The following GABRA3 variants were observed in gnomAD, a reference collection of about 807,000 sequenced individuals.
The protein encoded by GABRA3 is gamma-aminobutyric acid receptor subunit alpha-3.
Under a neutral mutation model 30.1 loss-of-function variants are expected in GABRA3, and 10 were observed. The ratio of observed to expected loss-of-function variants is 0.33; its 90% CI spans 0.20 to 0.56. GABRA3 has a LOEUF of 0.56. GABRA3 is among the 20% of genes least tolerant of loss of function. The pLI is 0.89. For missense variants in GABRA3, 233 were observed against 392.0 expected, an observed-to-expected ratio of 0.59 and a Z score of 3.42; for synonymous variants, 151 against 146.8, an observed-to-expected ratio of 1.03 and a Z score of -0.21.
chrX:152,243,336 T>G (rs765986159), intron 5 of GABRA3, among the ~76,000 whole-genome samples: 1 of 112,028 alleles, frequency 8.9e-6, no homozygotes, highest in South Asian at 3.7e-4. Context: ...AGAGCAGAAT[T>G]TACGTGTTCT....
At position 152,173,770 on chromosome X, in the gene GABRA3, AATTTATTTATTT is replaced by A. The variant is rs762067911; in HGVS notation, c.1144-5219_1144-5208del. Among the ~76,000 whole-genome samples, 4 of 110,199 alleles carry A rather than the reference AATTTATTTATTT, an allele frequency of 3.6e-5. No individual in the cohort carries two copies. The East Asian group carries it at 1.1e-3, about 31-fold the overall frequency. Reference sequence around the variant, plus strand: ...CAGGCATGAGCCACCGCGCCTGGCTAATTTATTTATTTATTTATTTATTTATATTATTATTAT... The same window carrying A: ...CAGGCATGAGCCACCGCGCCTGGCTAATTTATTTATTTATATTATTATTAT... On this transcript the variant is annotated intron_variant, in intron 9 of 9. Coordinates refer to ENST00000370314, the MANE Select transcript of GABRA3 (RefSeq NM_000808.4).
chrX:152,261,474 T>C (rs188206514), intron 4 of GABRA3, among the ~76,000 whole-genome samples: 1 of 112,022 alleles, frequency 8.9e-6, no homozygotes, highest in Admixed American at 9.4e-5. Flanking sequence ...GGTACAGGCA[T>C]TGGGTAAATG....
In GABRA3 at chrX:152,315,154, G is replaced by A. The variant is rs112505490; in HGVS notation, c.263-30419C>T. On this transcript the variant is annotated intron_variant, in intron 3 of 9. Coordinates refer to ENST00000370314, the MANE Select transcript of GABRA3 (RefSeq NM_000808.4). ...GAAGCAGATTGCTCCTGCAGGACCC[G>A]GGAGACAGCCGGAATACTGTTAGTG... Among the ~76,000 whole-genome samples the A allele has an allele frequency of 3.9e-3, 432 of 111,091 alleles. 3 individuals are homozygous for A. Among genetic ancestry groups the A allele is most frequent in the Non-Finnish European group, 5.3e-3 (279 of 53,000 alleles).
At chrX:152,348,277 A>G (rs1940421688) in intron 2 of GABRA3, among the ~76,000 whole-genome samples, 1 of 111,054 alleles carries the variant, frequency 9.0e-6, no homozygotes, top group Admixed American at 9.7e-5. Flanking sequence ...ATATTGTATA[A>G]TTCTCTCCCT....
intron 3 of GABRA3, among the ~76,000 whole-genome samples, chrX:152,319,355 G>A (rs1434270764): frequency 8.9e-6 from 1 of 111,945 alleles, no homozygotes; most frequent in Non-Finnish European, 1.9e-5. Flanking sequence ...CACCAAAACA[G>A]CATGGTACTG....
rs140051848 is a variant in GABRA3 at position 152,189,723 on chromosome X, A to G, written c.1143+7T>C. On this transcript the variant is annotated splice_region_variant and intron_variant, in intron 9 of 9. Coordinates refer to ENST00000370314, the MANE Select transcript of GABRA3 (RefSeq NM_000808.4). ...TGCTTCTCAGTTTCTCTTTTGCTAT[A>G]TCTCACCTTCATCTCCAGGGCCTCT... The G allele has an allele frequency of 6.0e-3, 7,085 of 1,182,383 alleles. 20 individuals are homozygous for G. Among genetic ancestry groups the G allele is most frequent in the Non-Finnish European group, 6.6e-3 (5,721 of 873,257 alleles).
At chrX:152,255,700 T>C (rs1329198653) in intron 5 of GABRA3, 78 bp downstream of exon 5, 6 of 882,824 alleles carry the variant, frequency 6.8e-6, no homozygotes, top group African/African-American at 2.0e-5. Flanking sequence ...GAATTTTCAA[T>C]GGATACTCTA....
At chrX:152,178,450 C>T (rs1451181029) in intron 9 of GABRA3, among the ~76,000 whole-genome samples, 1 of 111,230 alleles carries the variant, frequency 9.0e-6, no homozygotes, top group Non-Finnish European at 1.9e-5. Flanking sequence ...CAGGAATGAC[C>T]CATAGACTTA....
chrX:152,292,053 C>T (rs1365439546), intron 3 of GABRA3, among the ~76,000 whole-genome samples: 1 of 111,636 alleles, frequency 9.0e-6, no homozygotes, highest in South Asian at 3.8e-4. Context: ...GGGAGGATTC[C>T]CTCTTTTTCT....
At chrX:152,363,829 T>C (rs748988267) in intron 2 of GABRA3, among the ~76,000 whole-genome samples, 1 of 112,063 alleles carries the variant, frequency 8.9e-6, no homozygotes, top group Non-Finnish European at 1.9e-5. Context: ...AAGTCAAGGA[T>C]GGAGAAGTCA....
At chrX:152,448,905 T>G (rs905113208) in intron 1 of GABRA3, among the ~76,000 whole-genome samples, 2 of 111,269 alleles carry the variant, frequency 1.8e-5, no homozygotes, top group Non-Finnish European at 3.8e-5. Context: ...ATCAGTCCAG[T>G]TGACACCAGA....
chrX:152,391,008 G>A (rs1319513352), intron 1 of GABRA3, among the ~76,000 whole-genome samples: 2 of 111,228 alleles, frequency 1.8e-5, no homozygotes, highest in Admixed American at 9.6e-5. Flanking sequence ...TGCTGATAGA[G>A]ACAATAATTC....
chrX:152,419,130 G>T (rs6627586), intron 1 of GABRA3, among the ~76,000 whole-genome samples: 13 of 106,399 alleles, frequency 1.2e-4, no homozygotes, highest in East Asian at 6.1e-4. Flanking sequence ...ATCACACACC[G>T]GGGTCTGTTG....
Position 152,222,363 on chromosome X carries a change from G to C in GABRA3, c.634+2400C>G, listed in dbSNP as rs750533409. 5.6e-5 allele frequency among the ~76,000 whole-genome samples: 6 copies of C among 106,554 alleles called. No homozygotes were observed. The South Asian group carries it at 2.6e-3, about 46-fold the overall frequency. The allele number at this position is 106,554 out of a possible 115,157, so 92.5% of individuals were successfully genotyped here. ...ATCTATCCATTGAATTCGAATTTAA[G>C]ATATTGTACTTCCCTGTAATTCTAA... On this transcript the variant is annotated intron_variant, in intron 6 of 9. Coordinates refer to ENST00000370314, the MANE Select transcript of GABRA3 (RefSeq NM_000808.4).
At chrX:152,373,039 G>A (rs189534610) in intron 1 of GABRA3, among the ~76,000 whole-genome samples, 16 of 111,580 alleles carry the variant, frequency 1.4e-4, no homozygotes, top group Middle Eastern at 4.6e-3. Context: ...TCAATCTTAC[G>A]TCTGCCTCCT....
rs775580386 is a variant in GABRA3, at chrX:152,433,259, G to C, written c.-27+17887C>G. ...GACAAAGACTGCCCCATGCCTATCA[G>C]TAACCAATGTTTTATTGTGTATCTT... On this transcript the variant is annotated intron_variant, in intron 1 of 9. Transcript: ENST00000370314. 2.7e-5 allele frequency among the ~76,000 whole-genome samples: 3 copies of C among 110,474 alleles called. No homozygotes were observed. The South Asian group carries it at 1.2e-3, about 43-fold the overall frequency.
intron 4 of GABRA3, among the ~76,000 whole-genome samples, chrX:152,278,682 C>T (rs1181796271): frequency 9.0e-6 from 1 of 111,621 alleles, no homozygotes; most frequent in Non-Finnish European, 1.9e-5. Context: ...GAGGAATTGC[C>T]ACACTGACTT....
intron 3 of GABRA3, among the ~76,000 whole-genome samples, chrX:152,334,432 G>T (rs1210466553): frequency 9.0e-6 from 1 of 111,584 alleles, no homozygotes; most frequent in Non-Finnish European, 1.9e-5. Flanking sequence ...CTTCCTATAG[G>T]ACATAATCAT....
intron 1 of GABRA3, among the ~76,000 whole-genome samples, chrX:152,418,577 T>C (rs2124536171): frequency 8.9e-6 from 1 of 111,856 alleles, no homozygotes; most frequent in Admixed American, 9.5e-5. Context: ...AAGACGGAAG[T>C]ATATAAATCT....
Sources: gnomAD v4.1 joint callset for allele counts (sites outside exome capture counted in the v4.1 genomes callset) on GRCh38, gnomAD v4.1.1 for gene constraint, MANE v1.5 for transcripts, NCBI Gene and HGNC (gene_info 2026-07-23, HGNC 2026-07-21) for gene names.